Variants in INSC observed in about 807,000 individuals in gnomAD.
INSC encodes the protein INSC spindle orientation adaptor protein.
Under a neutral mutation model 58.6 loss-of-function variants are expected in INSC, and 67 were observed. That is an observed-to-expected ratio of 1.14 (90% CI 0.94 to 1.40). The LOEUF (loss-of-function observed/expected upper bound fraction) is 1.40, where lower values mean the gene tolerates loss of function less well. Among genes scored for constraint, INSC ranks in the 40% most tolerant of loss-of-function variants. INSC has a pLI of 0.00. For missense variants in INSC, 714 were observed against 692.0 expected (o/e 1.03, Z -0.36); for synonymous variants, 262 against 276.1 (o/e 0.95, Z 0.51).
intron 1 of INSC, among the ~76,000 whole-genome samples, chr11:15,145,492 AT>A (rs1178315545): frequency 3.3e-5 from 5 of 152,154 alleles, no homozygotes; most frequent in Non-Finnish European, 5.9e-5. Context: ...ACTTAGGGCT[AT>A]GGGAGTCGGT....
chr11:15,150,229 C>G (rs975112290), intron 2 of INSC, among the ~76,000 whole-genome samples: 1 of 152,096 alleles, frequency 6.6e-6, no homozygotes, highest in Non-Finnish European at 1.5e-5. Flanking sequence ...ATGCATGGTC[C>G]ACATACACAG....
At chr11:15,172,159 A>C (rs74426370) in intron 2 of INSC, among the ~76,000 whole-genome samples, 1,864 of 152,348 alleles carry the variant, frequency 0.012, 44 homozygotes, top group African/African-American at 0.043. Flanking sequence ...CAAAGTGCTT[A>C]TGCAGTGAAT....
intron 2 of INSC, among the ~76,000 whole-genome samples, chr11:15,150,042 CTT>C (rs1175806279): frequency 1.3e-5 from 2 of 152,130 alleles, no homozygotes; most frequent in African/African-American, 4.8e-5. Context: ...CTTGTGAAAT[CTT>C]TTTTTCACAA....
the INSC span, among the ~76,000 whole-genome samples, chr11:15,260,079 C>T: frequency 6.6e-6 from 1 of 152,114 alleles, no homozygotes; most frequent in African/African-American, 2.4e-5. Flanking sequence ...ATCCAACAGC[C>T]ATGGAGCAGT....
At chr11:15,171,815 A>T (rs1849410234) in intron 2 of INSC, among the ~76,000 whole-genome samples, 1 of 152,252 alleles carries the variant, frequency 6.6e-6, no homozygotes, top group Non-Finnish European at 1.5e-5. Context: ...TGCCATTGTT[A>T]ACATGTCCCA....
chr11:15,174,884 T>A (rs1331982223), intron 2 of INSC, among the ~76,000 whole-genome samples: 1 of 152,226 alleles, frequency 6.6e-6, no homozygotes, highest in African/African-American at 2.4e-5. Flanking sequence ...GGCACTTATA[T>A]GAAATATAAG....
intron 5 of INSC, chr11:15,188,173 C>A: frequency 1.0e-6 from 1 of 985,348 alleles, no homozygotes; most frequent in Non-Finnish European, 1.2e-6. Flanking sequence ...TCCAGAGGGG[C>A]ATTTGCAAGG....
At chr11:15,147,176 A>G (rs1792539) in intron 1 of INSC, among the ~76,000 whole-genome samples, 50,573 of 152,074 alleles carry the variant, frequency 0.33, 8,999 homozygotes, top group Non-Finnish European at 0.4. Context: ...AGTCAAACAT[A>G]TCAAAAGGGA....
chr11:15,263,664 C>T, the INSC span, among the ~76,000 whole-genome samples: 1 of 152,110 alleles, frequency 6.6e-6, no homozygotes, highest in Non-Finnish European at 1.5e-5. Flanking sequence ...TCTTACAGTT[C>T]TGTAGGTAGG....
the INSC span, among the ~76,000 whole-genome samples, chr11:15,255,613 T>C: frequency 1.3e-5 from 2 of 152,230 alleles, no homozygotes; most frequent in African/African-American, 4.8e-5. Flanking sequence ...TATTTATTTC[T>C]ACAATCTTGT....
chr11:15,112,946 A>G (rs1847602344), upstream of INSC, among the ~76,000 whole-genome samples: 1 of 152,128 alleles, frequency 6.6e-6, no homozygotes, highest in Non-Finnish European at 1.5e-5. Flanking sequence ...ACTGATGCTC[A>G]GAGAGGTTAA....
At chr11:15,197,808 A>G (rs1164765123) in intron 6 of INSC, among the ~76,000 whole-genome samples, 4 of 151,840 alleles carry the variant, frequency 2.6e-5, no homozygotes, top group African/African-American at 9.7e-5. Context: ...TATTCCTTCC[A>G]CCACCAGCCC....
chr11:15,244,286 A>G (rs1463022921), intron 12 of INSC, among the ~76,000 whole-genome samples: 1 of 152,158 alleles, frequency 6.6e-6, no homozygotes, highest in East Asian at 1.9e-4. Flanking sequence ...ACCACGCCCC[A>G]TGAGAGTCGA....
intron 5 of INSC, among the ~76,000 whole-genome samples, chr11:15,180,257 CAAAA>C (rs913742036): frequency 6.6e-6 from 1 of 150,410 alleles, no homozygotes; most frequent in South Asian, 2.1e-4. Flanking sequence ...GACTCCGTCT[CAAAA>C]AAAACAAACA....
chr11:15,159,299 T>C (rs1027435330), intron 2 of INSC, among the ~76,000 whole-genome samples: 1 of 152,144 alleles, frequency 6.6e-6, no homozygotes, highest in Non-Finnish European at 1.5e-5. Context: ...TTGGAAACCC[T>C]CTAGTGGTGA....
At chr11:15,112,647 T>A, upstream of INSC, 1 of 112,230 alleles carries the variant, frequency 8.9e-6, no homozygotes, top group Non-Finnish European at 1.5e-5. Flanking sequence ...TATTGGGAAG[T>A]GGGGGGGGGG....
chr11:15,127,779 G>C (rs1232908855), intron 1 of INSC, among the ~76,000 whole-genome samples: 1 of 152,154 alleles, frequency 6.6e-6, no homozygotes, highest in African/African-American at 2.4e-5. Flanking sequence ...TGAAATTCTA[G>C]AGGGAGACTA....
At chr11:15,168,719 C>T (rs944337889) in intron 2 of INSC, among the ~76,000 whole-genome samples, 1 of 152,084 alleles carries the variant, frequency 6.6e-6, no homozygotes, top group African/African-American at 2.4e-5. Context: ...GAAGTTTACT[C>T]AAAACACAAA....
intron 1 of INSC, among the ~76,000 whole-genome samples, chr11:15,142,848 C>T (rs562192228): frequency 6.6e-5 from 10 of 151,826 alleles, no homozygotes; most frequent in East Asian, 1.9e-4. Flanking sequence ...TAAGTTCTAG[C>T]GTACATGTGC....
Sources: gnomAD v4.1 joint callset for allele counts (sites outside exome capture counted in the v4.1 genomes callset) on GRCh38, gnomAD v4.1.1 for gene constraint, MANE v1.5 for transcripts, NCBI Gene and HGNC (gene_info 2026-07-23, HGNC 2026-07-21) for gene names.